Variants in NKAIN3 observed in about 807,000 individuals in gnomAD.
The protein encoded by NKAIN3 is sodium/potassium transporting ATPase interacting 3.
A neutral mutation model predicts 30.2 loss-of-function variants in NKAIN3; 25 were observed. The ratio of observed to expected loss-of-function variants is 0.83; its 90% CI spans 0.60 to 1.16. NKAIN3 has a LOEUF of 1.16. Ranked by LOEUF, NKAIN3 falls within the 50% of genes most tolerant of loss-of-function variation. The pLI is 0.00. For synonymous variants in NKAIN3, 91 were observed against 89.6 expected (o/e 1.02, Z -0.09); for missense variants, 225 against 254.1 (o/e 0.89, Z 0.78).
intron 1 of NKAIN3, among the ~76,000 whole-genome samples, chr8:62,461,873 C>A (rs1422293027): frequency 6.6e-6 from 1 of 152,030 alleles, no homozygotes; most frequent in Non-Finnish European, 1.5e-5. Context: ...TGTGATCTTC[C>A]AAAAGAGAAT....
intron 4 of NKAIN3, among the ~76,000 whole-genome samples, chr8:62,891,433 G>A (rs771795693): frequency 3.3e-5 from 5 of 152,150 alleles, no homozygotes; most frequent in Admixed American, 2.0e-4. Flanking sequence ...GAGGTTTTGG[G>A]ACTCAGACTG....
intron 3 of NKAIN3, among the ~76,000 whole-genome samples, chr8:62,720,619 T>C (rs1184942406): frequency 6.6e-6 from 1 of 152,206 alleles, no homozygotes; most frequent in African/African-American, 2.4e-5. Flanking sequence ...ACAATGGCAA[T>C]ATTTATTCCC....
intron 4 of NKAIN3, among the ~76,000 whole-genome samples, chr8:62,881,902 C>G (rs1369917039): frequency 6.6e-6 from 1 of 152,186 alleles, no homozygotes; most frequent in African/African-American, 2.4e-5. Context: ...CACATCCTCA[C>G]CAGAATTTGG....
intron 1 of NKAIN3, among the ~76,000 whole-genome samples, chr8:62,524,604 G>A (rs899963085): frequency 2.2e-4 from 34 of 152,074 alleles, no homozygotes; most frequent in African/African-American, 8.0e-4. Flanking sequence ...TTGCACTACT[G>A]ACATCAATTA....
At chr8:62,827,449 T>A (rs1344164530) in intron 4 of NKAIN3, among the ~76,000 whole-genome samples, 1 of 152,224 alleles carries the variant, frequency 6.6e-6, no homozygotes, top group African/African-American at 2.4e-5. Flanking sequence ...ATCCATCAAT[T>A]CTTCCAAATA....
intron 1 of NKAIN3, among the ~76,000 whole-genome samples, chr8:62,320,400 G>T (rs1234754108): frequency 1.3e-5 from 2 of 151,984 alleles, no homozygotes; most frequent in African/African-American, 4.8e-5. Context: ...TATTTTGCTC[G>T]TTAGTTGATG....
chr8:62,894,505 T>C (rs1249484445), intron 4 of NKAIN3, among the ~76,000 whole-genome samples: 1 of 152,196 alleles, frequency 6.6e-6, no homozygotes, highest in Non-Finnish European at 1.5e-5. Flanking sequence ...TGATATTATC[T>C]TCTTGGAATG....
At chr8:62,838,089 GGT>G (rs147185630) in intron 4 of NKAIN3, among the ~76,000 whole-genome samples, 2,871 of 149,858 alleles carry the variant, frequency 0.019, 90 homozygotes, top group African/African-American at 0.059. Flanking sequence ...AGTGTGCAAA[GGT>G]GTGTGTGTGT....
chr8:62,340,018 A>G (rs1395022795), intron 1 of NKAIN3, among the ~76,000 whole-genome samples: 1 of 152,086 alleles, frequency 6.6e-6, no homozygotes, highest in Non-Finnish European at 1.5e-5. Context: ...CACCCATCAC[A>G]AGGGTCTAGC....
chr8:62,940,898 A>G (rs1822937403), intron 5 of NKAIN3, among the ~76,000 whole-genome samples: 1 of 152,042 alleles, frequency 6.6e-6, no homozygotes, highest in Non-Finnish European at 1.5e-5. Flanking sequence ...ACCCTGCAGA[A>G]GAAATAACAA....
intron 3 of NKAIN3, among the ~76,000 whole-genome samples, chr8:62,668,868 C>G (rs1813212758): frequency 6.6e-6 from 1 of 152,148 alleles, no homozygotes; most frequent in Non-Finnish European, 1.5e-5. Flanking sequence ...TTCAATCTGT[C>G]TATAAATTCA....
intron 1 of NKAIN3, among the ~76,000 whole-genome samples, chr8:62,367,048 G>C (rs1816759778): frequency 6.6e-6 from 1 of 152,110 alleles, no homozygotes; most frequent in Admixed American, 6.6e-5. Context: ...ATTGTGGTCA[G>C]AAAAGATACT....
chr8:62,688,486 T>A (rs1813862531), intron 3 of NKAIN3, among the ~76,000 whole-genome samples: 1 of 152,214 alleles, frequency 6.6e-6, no homozygotes. Flanking sequence ...TTCATTCATT[T>A]ATTCATACAA....
chr8:62,394,793 A>G lies in NKAIN3; in HGVS notation c.54+145666A>G, dbSNP rs1249196916. ...CACTTCTCAGATGGTGGGGCGGCCA[A>G]GCAGAGACTCTCATCACTTCTCAGA... is the stretch of plus-strand genomic sequence containing the variant. On this transcript the variant is annotated intron_variant, in intron 1 of 6. Transcript: ENST00000623646. 5.2e-3 allele frequency among the ~76,000 whole-genome samples: 612 copies of G among 117,874 alleles called. 2 individuals carry two copies. Among genetic ancestry groups the G allele is most frequent in the Middle Eastern group, 0.022 (3 of 138 alleles). The allele number at this position is 117,874 out of a possible 152,430, so 77.3% of individuals were successfully genotyped here. A position where few individuals can be genotyped will look rare whatever the true frequency, so the allele number is the denominator to read the frequency against.
intron 1 of NKAIN3, among the ~76,000 whole-genome samples, chr8:62,488,566 A>G (rs1187934788): frequency 1.3e-5 from 2 of 152,196 alleles, no homozygotes; most frequent in African/African-American, 2.4e-5. Flanking sequence ...GAATGAATAC[A>G]TGAGGAAATG....
chr8:62,446,828 A>G (rs1293160458), intron 1 of NKAIN3, among the ~76,000 whole-genome samples: 3 of 152,078 alleles, frequency 2.0e-5, no homozygotes, highest in Non-Finnish European at 4.4e-5. Context: ...CGCTGTATGT[A>G]TATGTATCAC....
At chr8:62,358,787 G>A (rs146287079) in intron 1 of NKAIN3, among the ~76,000 whole-genome samples, 3 of 152,274 alleles carry the variant, frequency 2.0e-5, no homozygotes, top group African/African-American at 4.8e-5. Context: ...ATTTATGCTA[G>A]GCTTACAGAC....
chr8:62,787,907 A>G (rs1028219778), intron 4 of NKAIN3, among the ~76,000 whole-genome samples: 2 of 151,976 alleles, frequency 1.3e-5, no homozygotes, highest in African/African-American at 4.8e-5. Context: ...TATGTGCCAC[A>G]TTTTCTTAAT....
At chr8:62,953,843 C>T in intron 5 of NKAIN3, 59 bp from the exon 6 acceptor site, 1 of 403,536 alleles carries the variant, frequency 2.5e-6, no homozygotes, top group Non-Finnish European at 3.4e-6. Context: ...CTATTTTAAA[C>T]ATTAGTATTA....
Sources: allele counts gnomAD v4.1 joint callset (sites outside exome capture counted in the v4.1 genomes callset), GRCh38; gene constraint gnomAD v4.1.1; transcripts MANE v1.5; gene names NCBI Gene and HGNC (gene_info 2026-07-23, HGNC 2026-07-21).